Variants in P4HTM observed in about 807,000 individuals in gnomAD.
P4HTM encodes the protein prolyl 4-hydroxylase, transmembrane.
In P4HTM, 33 loss-of-function variants were observed where a neutral mutation model predicts 55.3. That is an observed-to-expected ratio of 0.60 (90% CI 0.45 to 0.80). P4HTM has a LOEUF of 0.80. P4HTM is among the 30% of genes least tolerant of loss of function. The probability of loss-of-function intolerance (pLI) is 0.00; values close to 1 mark genes in which losing one functional copy is unlikely to be tolerated. For missense variants in P4HTM, 542 were observed against 696.5 expected (o/e 0.78, Z 2.50); for synonymous variants, 272 against 286.4 (o/e 0.95, Z 0.51).
At chr3:49,005,972 G>A (rs1203964783) in intron 7 of P4HTM, 92 bp from the exon 8 acceptor site, 20 of 1,552,664 alleles carry the variant, frequency 1.3e-5, no homozygotes, top group Non-Finnish European at 1.6e-5. Flanking sequence ...TATTCCTTGG[G>A]CATATCTGGT....
chr3:49,005,654 T>C, intron 6 of P4HTM, 123 bp from the exon 7 acceptor site: 1 of 1,454,420 alleles, frequency 6.9e-7, no homozygotes, highest in Non-Finnish European at 9.1e-7. Flanking sequence ...TGCCCTATTG[T>C]CTCCCATCCT....
At position 49,006,061 on chromosome 3, in the gene P4HTM, C is replaced by A; in HGVS notation, c.1165-3C>A. The A allele has an allele frequency of 6.2e-7, 1 of 1,610,976 alleles. No homozygotes were observed. The highest frequency in any genetic ancestry group is 8.5e-7 in the Non-Finnish European group (1 of 1,178,286). ...GAACACCCCACCACCCTGCTGCCCA[C>A]AGAGTCTGATTCAGGATGACGTGGA... On this transcript the variant is annotated splice_region_variant and splice_polypyrimidine_tract_variant and intron_variant, in intron 7 of 8. Coordinates refer to ENST00000383729, the MANE Select transcript of P4HTM (RefSeq NM_177939.3).
At chr3:48,992,960 C>G (rs1421800248) in intron 2 of P4HTM, among the ~76,000 whole-genome samples, 1 of 151,966 alleles carries the variant, frequency 6.6e-6, no homozygotes, top group Non-Finnish European at 1.5e-5. Flanking sequence ...AACCACCATG[C>G]CTGGCTGGAA....
intron 2 of P4HTM, among the ~76,000 whole-genome samples, chr3:48,994,458 C>G (rs1345099787): frequency 1.3e-5 from 2 of 152,176 alleles, no homozygotes; most frequent in South Asian, 2.1e-4. Flanking sequence ...CCCAGTCTCT[C>G]CTTGAGAAAT....
chr3:49,006,940 T>C lies in P4HTM; in HGVS notation c.*33T>C. On this transcript the variant is annotated 3_prime_UTR_variant, in exon 9 of 9. Coordinates refer to ENST00000383729, the MANE Select transcript of P4HTM (RefSeq NM_177939.3). The stretch of plus-strand genomic sequence containing the variant: ...GTTAGCCCCGGTTCCCAGCCGCGGG[T>C]CGCCAGTTGCCCAAGATCAGGGGTC... 6.4e-7 allele frequency: 1 copy of C among 1,560,900 alleles called. No individual in the cohort carries two copies. Among genetic ancestry groups the C allele is most frequent in the South Asian group, 1.1e-5 (1 of 88,068 alleles).
chr3:48,996,799 A>G (rs1218025805), intron 2 of P4HTM, among the ~76,000 whole-genome samples: 1 of 152,172 alleles, frequency 6.6e-6, no homozygotes, highest in Non-Finnish European at 1.5e-5. Context: ...GGGTTCGACA[A>G]ACAGCATCTT....
At chr3:48,996,652 G>A (rs931952648) in intron 2 of P4HTM, among the ~76,000 whole-genome samples, 8 of 152,146 alleles carry the variant, frequency 5.3e-5, no homozygotes, top group Admixed American at 6.6e-5. Context: ...GAGCCACTGC[G>A]CCTGGCTAGT....
chr3:48,996,702 C>T (rs2092946868), intron 2 of P4HTM, among the ~76,000 whole-genome samples: 1 of 152,132 alleles, frequency 6.6e-6, no homozygotes, highest in African/African-American at 2.4e-5. Flanking sequence ...GCTGCATTGC[C>T]ACACACACCC....
rs571142058 is a variant in P4HTM at position 48,995,630 on chromosome 3, T to C, written c.436+4716T>C. 1.8e-4 allele frequency among the ~76,000 whole-genome samples: 27 copies of C among 152,254 alleles called. 1 individual carries two copies. The South Asian group carries it at 3.5e-3, about 20-fold the overall frequency. ...TGGAGTCTCGCTCTGTTGCCCAGGCTGGAGTGCAGTGGTGTGATCTCGGCT... is the reference window on the plus strand; with the variant it reads ...TGGAGTCTCGCTCTGTTGCCCAGGCCGGAGTGCAGTGGTGTGATCTCGGCT... On this transcript the variant is annotated intron_variant, in intron 2 of 8. Coordinates refer to ENST00000383729, the MANE Select transcript of P4HTM (RefSeq NM_177939.3).
rs2092963488 is a variant in P4HTM at position 49,002,372 on chromosome 3, G to A, written c.628-128G>A. 8.2e-6 allele frequency: 6 copies of A among 730,710 alleles called. No homozygotes were observed. In the Admixed American group the frequency reaches 1.0e-4, roughly 12 times the overall value. 45.3% of individuals were successfully genotyped at this position (730,710 alleles called of 1,614,324 possible). On this transcript the variant is annotated intron_variant, in intron 3 of 8. Coordinates refer to ENST00000383729, the MANE Select transcript of P4HTM (RefSeq NM_177939.3). This position sits in a 1 kb window ranked among gnomAD's most constrained non-coding sequence, Gnocchi z 4.4. ...ACCTGCACTCACTTTGGCCCAATGG[G>A]CTCTGCCCTGTGTCCTCATCCATGC...
rs2092983992 is a variant in P4HTM at position 49,006,718 on chromosome 3, G to A, written c.1320G>A (p.Leu440=). The A allele has an allele frequency of 6.2e-7, 1 of 1,613,600 alleles. No individual in the cohort carries two copies. The highest frequency in any genetic ancestry group is 1.3e-5 in the African/African-American group (1 of 74,950). ...GWVGDVDDYS[L]HGGCLVTRGT... Reference sequence around the variant, plus strand: ...TGGGTGACGTAGACGACTACTCGCTGCACGGGGGCTGCCTGGTCACGCGCG... The same window carrying A: ...TGGGTGACGTAGACGACTACTCGCTACACGGGGGCTGCCTGGTCACGCGCG... The change falls in exon 9 of 9, where the codon CTG becomes CTA. Residue 440 remains leucine (L), a synonymous_variant. Transcript: ENST00000383729.
chr3:48,990,773 G>C lies in P4HTM; in HGVS notation c.355-60G>C. Reference sequence around the variant, plus strand: ...GTCGCTCTCCGGGCCGGGGCGACTTGGCCCTTCTTGGGCAGCGCGGTCTGG... The same window carrying C: ...GTCGCTCTCCGGGCCGGGGCGACTTCGCCCTTCTTGGGCAGCGCGGTCTGG... On this transcript the variant is annotated intron_variant, in intron 1 of 8. Transcript: ENST00000383729. This position sits in a 1 kb window ranked among gnomAD's most constrained non-coding sequence, Gnocchi z 7.2. 1 of 1,565,918 alleles carries C rather than the reference G, an allele frequency of 6.4e-7. No individual in the cohort carries two copies.
In P4HTM at chr3:49,006,844, C is replaced by T; in HGVS notation, c.1446C>T (p.Gly482=). 6.2e-7 allele frequency: 1 copy of T among 1,613,246 alleles called. No individual in the cohort carries two copies. Among genetic ancestry groups the T allele is most frequent in the Non-Finnish European group, 8.5e-7 (1 of 1,180,022 alleles). ...QEMARLAREG[G]TDSQPEWALD... The stretch of plus-strand genomic sequence containing the variant: ...TGGCCCGCCTTGCCCGAGAAGGGGG[C>T]ACCGACTCACAGCCCGAGTGGGCTC... The change falls in exon 9 of 9, where the codon GGC becomes GGT. Residue 482 remains glycine, a synonymous_variant. Coordinates refer to ENST00000383729, the MANE Select transcript of P4HTM (RefSeq NM_177939.3).
chr3:48,990,201 C>T, upstream of P4HTM: 1 of 1,122,422 alleles, frequency 8.9e-7, no homozygotes, highest in Non-Finnish European at 1.1e-6. The surrounding 1 kb of genome is among the most constrained non-coding windows in gnomAD (Gnocchi z 7.2). Flanking sequence ...CGGGCGACTG[C>T]GCAGCGCGGG....
At position 49,006,159 on chromosome 3, in the gene P4HTM, C is replaced by A; in HGVS notation, c.1260C>A (p.Phe420Leu). Residue 420 changes from phenylalanine (F) to leucine (L), a missense_variant, in exon 8 of 9, where the codon TTC becomes TTA. Phe to Leu is a conservative substitution (Grantham distance 22, BLOSUM62 0). This residue lies in a region of P4HTM where 536 missense variants were observed against 672.1 expected (regional missense o/e 0.80). Transcript: ENST00000383729. Reference protein sequence around the residue: ...RVKPQQGTAVFWYNYLPDGQG... With the variant: ...RVKPQQGTAVLWYNYLPDGQG... ...AGCCCCAACAGGGCACAGCAGTCTTCTGGTACAACTACCTGCCTGATGGGC... is the reference window on the plus strand; with the variant it reads ...AGCCCCAACAGGGCACAGCAGTCTTATGGTACAACTACCTGCCTGATGGGC... 1 of 1,612,670 alleles carries A rather than the reference C, an allele frequency of 6.2e-7. No homozygotes were observed.
rs113805263 is a variant in P4HTM at position 49,004,877 on chromosome 3, C to T, written c.904C>T (p.Arg302Cys). The T allele has an allele frequency of 3.5e-5, 56 of 1,609,776 alleles. No individual in the cohort carries two copies. The highest frequency in any genetic ancestry group is 4.4e-5 in the Non-Finnish European group (52 of 1,179,292). Residue 302 changes from arginine to cysteine, a missense_variant, in exon 6 of 9, where the codon CGC becomes TGC. Around this residue, in one of 2 missense-constraint regions of P4HTM, gnomAD observed 536 missense variants for 672.1 expected, o/e 0.80. Transcript: ENST00000383729. Reference protein sequence around the residue: ...AIRQRVLRLTRLSPEIVELSE... With the variant: ...AIRQRVLRLTCLSPEIVELSE... ...GCCCACCAGGGTGCTGCGCCTCACT[C>T]GCCTGTCGCCTGAGATCGTGGAGCT...
intron 2 of P4HTM, among the ~76,000 whole-genome samples, chr3:48,993,576 A>G (rs530029059): frequency 1.6e-3 from 246 of 151,494 alleles, no homozygotes; most frequent in Admixed American, 4.0e-3. Context: ...TAAAGCAGAG[A>G]ATGAGCCGGG....
intron 2 of P4HTM, among the ~76,000 whole-genome samples, chr3:48,995,604 A>T (rs1279671148): frequency 6.6e-6 from 1 of 151,124 alleles, no homozygotes; most frequent in Non-Finnish European, 1.5e-5. Context: ...TTCTTTTGAG[A>T]TGGAGTCTCG....
chr3:49,004,067 G>A, intron 4 of P4HTM, 31 bp from the exon 5 acceptor site: 1 of 1,543,154 alleles, frequency 6.5e-7, no homozygotes, highest in Admixed American at 2.0e-5. Context: ...ATATGGGCTT[G>A]GTGGGCATTG....
Sources: gnomAD v4.1 joint callset for allele counts (sites outside exome capture counted in the v4.1 genomes callset) on GRCh38, gnomAD v4.1.1 for gene constraint, gnomAD v4.1.1 regional missense constraint, Gnocchi (gnomAD v3.1) non-coding constraint, MANE v1.5 for transcripts, NCBI Gene and HGNC (gene_info 2026-07-23, HGNC 2026-07-21) for gene names.